Variants in ALMS1 observed in about 807,000 individuals in gnomAD.
ALMS1 encodes the protein centrosome-associated protein ALMS1.
In ALMS1, 271 loss-of-function variants were observed where a neutral mutation model predicts 352.2. That is an observed-to-expected ratio of 0.77 (90% CI 0.70 to 0.85). The LOEUF is 0.85. Ranked by LOEUF, ALMS1 falls within the 40% of genes least tolerant of loss-of-function variation. The pLI, the probability that ALMS1 is intolerant of heterozygous loss-of-function variation, is 0.00. For synonymous variants in ALMS1, 1,865 were observed against 1,761.2 expected (o/e 1.06, Z -1.48); for missense variants, 5,445 against 4,870.7 (o/e 1.12, Z -3.51).
chr2:73,472,954 A>C (rs1672497922), intron 9 of ALMS1, among the ~76,000 whole-genome samples: 1 of 152,082 alleles, frequency 6.6e-6, no homozygotes, highest in African/African-American at 2.4e-5. Context: ...TCTGGGGATA[A>C]AAATTAGGAC....
chr2:73,398,110 C>T (rs1229164816), intron 1 of ALMS1, among the ~76,000 whole-genome samples: 1 of 152,156 alleles, frequency 6.6e-6, no homozygotes, highest in Non-Finnish European at 1.5e-5. Flanking sequence ...TACTTTTGCA[C>T]TTTGCATTTA....
chr2:73,500,903 A>C (rs1356151983), intron 10 of ALMS1, among the ~76,000 whole-genome samples: 2 of 152,130 alleles, frequency 1.3e-5, no homozygotes, highest in Non-Finnish European at 2.9e-5. Context: ...CTAGGATTAG[A>C]TACGCTAACC....
chr2:73,593,334 G>GGCCCAGCTTTAGAGTAGTGCTCC (rs1675471743), intron 16 of ALMS1, among the ~76,000 whole-genome samples: 1 of 152,080 alleles, frequency 6.6e-6, no homozygotes, highest in African/African-American at 2.4e-5. Flanking sequence ...GTTTGTGCTT[G>GGCCCAGCTTTAGAGTAGTGCTCC]GCCCAGCTTT....
intron 9 of ALMS1, among the ~76,000 whole-genome samples, chr2:73,465,323 A>G (rs1672310259): frequency 1.3e-5 from 2 of 151,696 alleles, no homozygotes; most frequent in South Asian, 2.1e-4. Context: ...GAGCCCTCAG[A>G]AATAATGCCA....
chr2:73,446,804 T>G (rs1321129676), intron 7 of ALMS1, among the ~76,000 whole-genome samples: 1 of 152,132 alleles, frequency 6.6e-6, no homozygotes, highest in Non-Finnish European at 1.5e-5. Context: ...GGGGAGCTTG[T>G]TAGAAATGCA....
chr2:73,482,782 C>G (rs1307982399), intron 9 of ALMS1, among the ~76,000 whole-genome samples: 2 of 151,596 alleles, frequency 1.3e-5, no homozygotes, highest in Non-Finnish European at 3.0e-5. Context: ...TTCAGAGATT[C>G]AACTTCTTCC....
intron 7 of ALMS1, among the ~76,000 whole-genome samples, chr2:73,446,614 T>C (rs1423171683): frequency 6.6e-6 from 1 of 152,182 alleles, no homozygotes; most frequent in East Asian, 1.9e-4. Context: ...TCAGCTCCTT[T>C]GAAGCTCGTC....
chr2:73,563,442 G>T (rs916856001), intron 15 of ALMS1, among the ~76,000 whole-genome samples: 2 of 151,492 alleles, frequency 1.3e-5, no homozygotes, highest in Non-Finnish European at 2.9e-5. Context: ...ATGAAGGAGG[G>T]CAGGGTGCGG....
intron 11 of ALMS1, among the ~76,000 whole-genome samples, chr2:73,533,239 G>T (rs190281253): frequency 6.6e-6 from 1 of 152,218 alleles, no homozygotes; most frequent in Non-Finnish European, 1.5e-5. Flanking sequence ...GTCTTACTAG[G>T]TTGCATACGC....
intron 9 of ALMS1, among the ~76,000 whole-genome samples, chr2:73,472,503 T>G (rs976147543): frequency 6.6e-6 from 1 of 152,046 alleles, no homozygotes; most frequent in African/African-American, 2.4e-5. Flanking sequence ...AAAAGTCATA[T>G]AATATGGTGG....
chr2:73,535,922 C>T (rs531640223), intron 12 of ALMS1, among the ~76,000 whole-genome samples: 34 of 152,176 alleles, frequency 2.2e-4, no homozygotes, highest in African/African-American at 7.7e-4. Flanking sequence ...CTTAGGCAGA[C>T]ATTTTTGTTA....
chr2:73,597,882 T>C (rs1192702282), intron 16 of ALMS1, among the ~76,000 whole-genome samples: 3 of 151,966 alleles, frequency 2.0e-5, no homozygotes, highest in Admixed American at 6.6e-5. Flanking sequence ...ATTTAGCCCA[T>C]CATTCCTGTT....
Position 73,449,044 on chromosome 2 carries a change from T to G in ALMS1, c.2517T>G (p.Ala839=), listed in dbSNP as rs765949316. The change falls in exon 8 of 23, where the codon GCT becomes GCG. Residue 839 remains alanine, a synonymous_variant. Transcript: ENST00000613296. ...HLPEEALKVS[A]VSGPADGKTG... ...CCGAAGAGGCTCTGAAAGTTTCAGC[T>G]GTTTCTGGACCAGCTGACGGAAAGA... The G allele has an allele frequency of 8.7e-6, 14 of 1,613,934 alleles. No individual in the cohort carries two copies. The Admixed American group carries it at 2.3e-4, about 27-fold the overall frequency.
intron 1 of ALMS1, among the ~76,000 whole-genome samples, chr2:73,402,235 T>G (rs1413920118): frequency 6.6e-6 from 1 of 151,580 alleles, no homozygotes; most frequent in Non-Finnish European, 1.5e-5. Flanking sequence ...ACAAGAAAAG[T>G]AGTCCTTTTC....
intron 1 of ALMS1, among the ~76,000 whole-genome samples, chr2:73,405,467 C>CT (rs1186313496): frequency 4.3e-4 from 65 of 150,548 alleles, no homozygotes; most frequent in African/African-American, 1.5e-3. Flanking sequence ...TATTTGAGGC[C>CT]TTTTTTTTTC....
intron 9 of ALMS1, among the ~76,000 whole-genome samples, chr2:73,477,029 C>T (rs547589719): frequency 2.2e-4 from 33 of 152,064 alleles, no homozygotes; most frequent in Non-Finnish European, 3.8e-4. Context: ...ACTTATTGTA[C>T]ATGATTTGCA....
At position 73,491,330 on chromosome 2, in the gene ALMS1, A is replaced by G. The variant is rs766261652; in HGVS notation, c.9371A>G (p.Asp3124Gly). ...TTTCTAGGACCTAAATCTTCACTGG[A>G]TTTCCAAGTCGTACAGCCTTCTCTT... is the stretch of plus-strand genomic sequence containing the variant. ...LGFLGPKSSL[D>G]FQVVQPSLPD... Residue 3124 changes from aspartate (D) to glycine (G), a missense_variant, in exon 10 of 23, where the codon GAT becomes GGT. Coordinates refer to ENST00000613296, the MANE Select transcript of ALMS1 (RefSeq NM_001378454.1). 2.5e-6 allele frequency: 4 copies of G among 1,614,164 alleles called. No individual in the cohort carries two copies. The highest frequency in any genetic ancestry group is 2.5e-6 in the Non-Finnish European group (3 of 1,180,024).
intron 16 of ALMS1, among the ~76,000 whole-genome samples, chr2:73,586,254 GC>G (rs980306453): frequency 6.6e-5 from 10 of 151,866 alleles, no homozygotes; most frequent in Non-Finnish European, 2.9e-5. Context: ...GATGTGCAGG[GC>G]CCATCTATTT....
At position 73,534,826 on chromosome 2, in the gene ALMS1, C is replaced by A. The variant is rs1357762518; in HGVS notation, c.9784C>A (p.Gln3262Lys). The A allele has an allele frequency of 6.2e-7, 1 of 1,613,274 alleles. No individual in the cohort carries two copies. The highest frequency in any genetic ancestry group is 2.2e-5 in the East Asian group (1 of 44,792). ...QVTFSRGTDG[Q>K]PLLLPYKPSG... Reference sequence around the variant, plus strand: ...TGTTCTGATTTTTACCTCCTTAGGCCAGCCTTTATTATTGCCATATAAGCC... The same window carrying A: ...TGTTCTGATTTTTACCTCCTTAGGCAAGCCTTTATTATTGCCATATAAGCC... Residue 3262 changes from glutamine to lysine, a missense_variant and splice_region_variant, in exon 12 of 23, where the codon CAG becomes AAG. Physicochemically the swap from Gln to Lys is moderately conservative, Grantham distance 53 (BLOSUM62 1). Coordinates refer to ENST00000613296, the MANE Select transcript of ALMS1 (RefSeq NM_001378454.1).
Sources: gnomAD v4.1 joint callset for allele counts (sites outside exome capture counted in the v4.1 genomes callset) on GRCh38, gnomAD v4.1.1 for gene constraint, MANE v1.5 for transcripts, NCBI Gene and HGNC (gene_info 2026-07-23, HGNC 2026-07-21) for gene names.